Variants in MAP4 observed in about 807,000 individuals in gnomAD.
MAP4 encodes the protein microtubule associated protein 4.
In MAP4, 76 loss-of-function variants were observed where a neutral mutation model predicts 170.2. That is an observed-to-expected ratio of 0.45 (90% CI 0.37 to 0.54). The LOEUF is 0.54. MAP4 is among the 20% of genes least tolerant of loss of function. The pLI, the probability that MAP4 is intolerant of heterozygous loss-of-function variation, is 0.00. For missense variants in MAP4, 2,506 were observed against 2,748.0 expected (o/e 0.91, Z 1.97); for synonymous variants, 909 against 994.5 (o/e 0.91, Z 1.62).
At chr3:48,039,588 T>C (rs996910117) in intron 1 of MAP4, 1 of 152,258 alleles carries the variant, frequency 6.6e-6, no homozygotes, top group Admixed American at 6.5e-5. Context: ...GGACATCCCA[T>C]GGAAAGGTGG....
At chr3:47,887,689 T>C (rs1166863294) in intron 10 of MAP4, among the ~76,000 whole-genome samples, 1 of 152,250 alleles carries the variant, frequency 6.6e-6, no homozygotes, top group Admixed American at 6.5e-5. Context: ...GGTGGGGACG[T>C]GGAGAGTCTT....
intron 1 of MAP4, among the ~76,000 whole-genome samples, chr3:48,034,408 A>G (rs1343162894): frequency 6.6e-6 from 1 of 152,198 alleles, no homozygotes; most frequent in African/African-American, 2.4e-5. Flanking sequence ...ACCATTTAAA[A>G]AAATCACTTA....
At position 47,909,307 on chromosome 3, in the gene MAP4, G is replaced by A. The variant is rs773835462; in HGVS notation, c.5114C>T (p.Pro1705Leu). 4 of 1,613,952 alleles carry A rather than the reference G, an allele frequency of 2.5e-6. No homozygotes were observed. The Admixed American group carries it at 6.7e-5, about 27-fold the overall frequency. Residue 1705 changes from proline to leucine, a missense_variant, in exon 9 of 21, where the codon CCT (proline) becomes CTT (leucine). Transcript: ENST00000683076. Reference protein sequence around the residue: ...DFLHSKVEAPPSEVADTLVIM... With the variant: ...DFLHSKVEAPLSEVADTLVIM... ...TACTAACGTATCCGCCACCTCTGAA[G>A]GAGGAGCTTCGACTTTGCTATGTAA...
intron 3 of MAP4, among the ~76,000 whole-genome samples, chr3:47,944,376 T>C (rs1205054587): frequency 6.6e-6 from 1 of 152,036 alleles, no homozygotes. Context: ...CAGTCTGTTA[T>C]ACATACTTTC....
intron 8 of MAP4, among the ~76,000 whole-genome samples, chr3:47,913,433 C>T (rs973287254): frequency 2.6e-5 from 4 of 152,100 alleles, no homozygotes; most frequent in African/African-American, 9.7e-5. Flanking sequence ...GCTATAGTAT[C>T]CCCCAGTATT....
chr3:47,899,028 C>T (rs2100028591), intron 10 of MAP4, among the ~76,000 whole-genome samples: 2 of 152,166 alleles, frequency 1.3e-5, no homozygotes, highest in South Asian at 2.1e-4. Context: ...ATAAGAATTA[C>T]AGACATAATC....
intron 1 of MAP4, among the ~76,000 whole-genome samples, chr3:48,051,337 G>A (rs143322215): frequency 3.8e-3 from 575 of 151,986 alleles, no homozygotes; most frequent in African/African-American, 4.9e-3. Context: ...GCTTGAACCC[G>A]GGAGGCAGAG....
intron 10 of MAP4, among the ~76,000 whole-genome samples, chr3:47,893,801 C>T (rs1437131173): frequency 6.7e-6 from 1 of 149,898 alleles, no homozygotes; most frequent in Admixed American, 6.7e-5. Flanking sequence ...CCATAAACTG[C>T]AATGATTTGA....
At position 47,912,009 on chromosome 3, in the gene MAP4, A is replaced by C; in HGVS notation, c.2412T>G (p.Ala804=). ...GGAGAACACCTGATTTTTGTGTGTC[A>C]GCTGCAAATGGATGACCTTTAGGCT... The part of the protein sequence containing the change: ...ADKPKGHPFA[A]DTQKSGVLPS... The change falls in exon 9 of 21, where the codon GCT becomes GCG. Residue 804 remains alanine, a synonymous_variant. Coordinates refer to ENST00000683076, the MANE Select transcript of MAP4 (RefSeq NM_001385682.1). The C allele has an allele frequency of 2.0e-6, 3 of 1,536,134 alleles. No individual in the cohort carries two copies. In the South Asian group the frequency reaches 3.6e-5, roughly 18 times the overall value.
intron 3 of MAP4, among the ~76,000 whole-genome samples, chr3:47,930,519 GAA>G (rs2100049101): frequency 6.6e-6 from 1 of 151,528 alleles, no homozygotes; most frequent in Non-Finnish European, 1.5e-5. Context: ...TAAAGAAAAT[GAA>G]AAGAGAAGTC....
At chr3:48,039,943 C>G (rs1360943370) in intron 1 of MAP4, among the ~76,000 whole-genome samples, 1 of 152,190 alleles carries the variant, frequency 6.6e-6, no homozygotes, top group Non-Finnish European at 1.5e-5. Flanking sequence ...TTAACTACAG[C>G]CCTTTGCACC....
In MAP4 at chr3:47,875,516, C is replaced by A. The variant is rs567967694; in HGVS notation, c.5757+169G>T. On this transcript the variant is annotated intron_variant, in intron 12 of 20. Transcript: ENST00000683076. ...TGGAGCAGGGCTAACCCATAGGCAG[C>A]GCGTCCAGAGTAGCCATGCCAATTT... 5.5e-3 allele frequency among the ~76,000 whole-genome samples: 838 copies of A among 152,200 alleles called. 2 individuals are homozygous for A. Among genetic ancestry groups the A allele is most frequent in the Non-Finnish European group, 8.7e-3 (590 of 68,000 alleles).
At chr3:47,935,457 A>G (rs2100052168) in intron 3 of MAP4, among the ~76,000 whole-genome samples, 1 of 152,176 alleles carries the variant, frequency 6.6e-6, no homozygotes, top group Admixed American at 6.5e-5. Flanking sequence ...CCAAATAGAA[A>G]CTTAAGATTT....
chr3:48,002,326 T>A (rs1413799070), intron 1 of MAP4, among the ~76,000 whole-genome samples: 1 of 151,524 alleles, frequency 6.6e-6, no homozygotes, highest in Non-Finnish European at 1.5e-5. Flanking sequence ...TTTCAGAGGC[T>A]GAAGTGGGAG....
At chr3:47,888,280 T>C (rs1406801986) in intron 10 of MAP4, among the ~76,000 whole-genome samples, 1 of 152,158 alleles carries the variant, frequency 6.6e-6, no homozygotes, top group Non-Finnish European at 1.5e-5. Context: ...CCAGCACTGG[T>C]AACCCGCTCG....
chr3:47,957,579 C>G (rs751410941), intron 3 of MAP4, among the ~76,000 whole-genome samples: 1 of 152,202 alleles, frequency 6.6e-6, no homozygotes, highest in Non-Finnish European at 1.5e-5. Context: ...TCCCAAAATG[C>G]TGGGGTTACA....
intron 3 of MAP4, among the ~76,000 whole-genome samples, chr3:47,965,514 A>G (rs551514963): frequency 3.2e-4 from 48 of 152,320 alleles, no homozygotes; most frequent in Admixed American, 8.5e-4. Context: ...CATTCCTATC[A>G]GCAGTACACA....
intron 3 of MAP4, among the ~76,000 whole-genome samples, chr3:47,950,519 A>G (rs774071627): frequency 6.6e-6 from 1 of 152,122 alleles, no homozygotes; most frequent in Non-Finnish European, 1.5e-5. Flanking sequence ...ATATAGCTGG[A>G]GGTGGCTCTA....
chr3:48,040,653 T>G (rs952883563), intron 1 of MAP4, among the ~76,000 whole-genome samples: 1 of 152,144 alleles, frequency 6.6e-6, no homozygotes, highest in African/African-American at 2.4e-5. Context: ...AGCCTCTGCC[T>G]CCCAGGTTCA....
Sources: allele counts gnomAD v4.1 joint callset (sites outside exome capture counted in the v4.1 genomes callset), GRCh38; gene constraint gnomAD v4.1.1; transcripts MANE v1.5; gene names NCBI Gene and HGNC (gene_info 2026-07-23, HGNC 2026-07-21).